SHISA9: variants seen among roughly 807,000 people sequenced by gnomAD.
SHISA9 encodes protein shisa-9.
Under a neutral mutation model 38.0 loss-of-function variants are expected in SHISA9, and 13 were observed. That is an observed-to-expected ratio of 0.34 (90% CI 0.22 to 0.54). The LOEUF is 0.54. Among genes scored for constraint, SHISA9 ranks in the 20% least tolerant of loss-of-function variants. The pLI, the probability that SHISA9 is intolerant of heterozygous loss-of-function variation, is 0.91. For synonymous variants in SHISA9, 275 were observed against 242.0 expected (o/e 1.14, Z -1.27); for missense variants, 538 against 575.8 (o/e 0.93, Z 0.67).
the SHISA9 span, among the ~76,000 whole-genome samples, chr16:13,544,426 C>CT: frequency 6.4e-5 from 3 of 46,684 alleles, no homozygotes; most frequent in African/African-American, 2.1e-4. Flanking sequence ...TTTTTTTTTT[C>CT]TTGTTTTTTT....
chr16:13,285,866 C>T, the SHISA9 span, among the ~76,000 whole-genome samples: 1 of 152,106 alleles, frequency 6.6e-6, no homozygotes, highest in Non-Finnish European at 1.5e-5. Flanking sequence ...CTCCTCCTAT[C>T]TTTCCAACTC....
At chr16:12,999,853 C>T (rs2072502633) in intron 2 of SHISA9, among the ~76,000 whole-genome samples, 2 of 152,168 alleles carry the variant, frequency 1.3e-5, no homozygotes, top group Non-Finnish European at 2.9e-5. Context: ...CGCAAGTGTC[C>T]AACATCACTT....
intron 2 of SHISA9, among the ~76,000 whole-genome samples, chr16:13,066,719 T>C: frequency 6.6e-6 from 1 of 152,252 alleles, no homozygotes. Context: ...TGGCACAAAG[T>C]AGGCATGTAG....
At chr16:13,352,880 G>T in the SHISA9 span, among the ~76,000 whole-genome samples, 3 of 152,006 alleles carry the variant, frequency 2.0e-5, no homozygotes, top group African/African-American at 7.3e-5. Flanking sequence ...GTTAAGGCAA[G>T]GACCGGCCAT....
chr16:13,498,202 T>C, the SHISA9 span, among the ~76,000 whole-genome samples: 17,824 of 152,066 alleles, frequency 0.12, 1,184 homozygotes, highest in African/African-American at 0.18. Flanking sequence ...AAATGACAAA[T>C]TGATACCAAA....
chr16:13,009,155 C>A lies in SHISA9; in HGVS notation c.691+92340C>A, dbSNP rs142139470. Among the ~76,000 whole-genome samples the A allele has an allele frequency of 1.5e-4, 22 of 151,588 alleles. 1 individual carries two copies. The highest frequency in any genetic ancestry group is 5.1e-4 in the African/African-American group (21 of 41,276). ...AACTCATGGTGGGCACTGTTTTAAA[C>A]CTGATTTACAAACAAGGTAGTCAAG... On this transcript the variant is annotated intron_variant, in intron 2 of 4. Transcript: ENST00000558583.
intron 2 of SHISA9, among the ~76,000 whole-genome samples, chr16:13,026,466 G>T (rs529770868): frequency 6.6e-6 from 1 of 152,254 alleles, no homozygotes; most frequent in East Asian, 1.9e-4. Flanking sequence ...GTTTCTTTCT[G>T]CATTCATCTG....
intron 2 of SHISA9, among the ~76,000 whole-genome samples, chr16:12,933,898 G>T (rs1301957586): frequency 3.3e-5 from 5 of 152,244 alleles, no homozygotes; most frequent in African/African-American, 7.2e-5. Flanking sequence ...AAACATTTAA[G>T]AGGGTGATAA....
chr16:13,218,260 C>T (rs149735375), intron 4 of SHISA9, among the ~76,000 whole-genome samples: 2,743 of 152,220 alleles, frequency 0.018, 35 homozygotes, highest in Non-Finnish European at 0.028. Context: ...TGGGCCCACT[C>T]ACTCCTAAGG....
At chr16:13,181,082 C>G (rs2050772435) in intron 2 of SHISA9, among the ~76,000 whole-genome samples, 1 of 151,690 alleles carries the variant, frequency 6.6e-6, no homozygotes. Context: ...AGACAGGTAT[C>G]AAATAATCCT....
chr16:13,518,238 A>G, the SHISA9 span, among the ~76,000 whole-genome samples: 1 of 151,516 alleles, frequency 6.6e-6, no homozygotes, highest in African/African-American at 2.4e-5. Flanking sequence ...AGCCATTCTC[A>G]GCTAACCTCC....
At chr16:13,471,688 A>G in the SHISA9 span, among the ~76,000 whole-genome samples, 1 of 152,202 alleles carries the variant, frequency 6.6e-6, no homozygotes, top group African/African-American at 2.4e-5. Context: ...ACTTTGAGCA[A>G]GAAATCAGCT....
intron 2 of SHISA9, among the ~76,000 whole-genome samples, chr16:12,950,416 A>G (rs919454845): frequency 2.6e-5 from 4 of 152,198 alleles, no homozygotes; most frequent in African/African-American, 9.6e-5. Context: ...GCATCTCAAA[A>G]TCACAATGAG....
At chr16:12,986,133 A>G (rs1247110069) in intron 2 of SHISA9, among the ~76,000 whole-genome samples, 2 of 152,166 alleles carry the variant, frequency 1.3e-5, no homozygotes, top group African/African-American at 4.8e-5. Flanking sequence ...GTTTTTAAAT[A>G]AATTGCTCAT....
chr16:13,319,225 T>G, the SHISA9 span, among the ~76,000 whole-genome samples: 4 of 152,140 alleles, frequency 2.6e-5, no homozygotes, highest in Non-Finnish European at 4.4e-5. Context: ...GCCAGGCTGG[T>G]CTCGAACTCC....
At chr16:13,542,619 C>T in the SHISA9 span, among the ~76,000 whole-genome samples, 1 of 152,166 alleles carries the variant, frequency 6.6e-6, no homozygotes, top group Admixed American at 6.5e-5. Flanking sequence ...GCTGAATGAG[C>T]TATCCTTTCT....
the SHISA9 span, among the ~76,000 whole-genome samples, chr16:13,425,022 A>G: frequency 6.6e-6 from 1 of 152,382 alleles, no homozygotes; most frequent in Non-Finnish European, 1.5e-5. Context: ...CTACACAGCC[A>G]TAAAAAGAAT....
At chr16:13,240,713 A>G (rs1026195256), downstream of SHISA9, among the ~76,000 whole-genome samples, 3 of 152,192 alleles carry the variant, frequency 2.0e-5, no homozygotes, top group African/African-American at 7.2e-5. Flanking sequence ...CTTAATGGTC[A>G]AGAATCTTGC....
chr16:13,018,675 G>A (rs1011625275), intron 2 of SHISA9, among the ~76,000 whole-genome samples: 2 of 152,146 alleles, frequency 1.3e-5, no homozygotes, highest in African/African-American at 2.4e-5. Flanking sequence ...TTTCCAAAGC[G>A]TACATCTGCT....
Sources: gnomAD v4.1 joint callset for allele counts (sites outside exome capture counted in the v4.1 genomes callset) on GRCh38, gnomAD v4.1.1 for gene constraint, MANE v1.5 for transcripts, NCBI Gene and HGNC (gene_info 2026-07-23, HGNC 2026-07-21) for gene names.